Variants in IL16 observed in about 807,000 individuals in gnomAD.
IL16 encodes the protein interleukin 16, also known as pro-interleukin-16.
A neutral mutation model predicts 110.1 loss-of-function variants in IL16; 67 were observed. That is an observed-to-expected ratio of 0.61 (90% CI 0.50 to 0.75). The LOEUF (loss-of-function observed/expected upper bound fraction) is 0.75, where lower values mean the gene tolerates loss of function less well. Among genes scored for constraint, IL16 ranks in the 30% least tolerant of loss-of-function variants. IL16 has a pLI of 0.00. For missense variants in IL16, 1,545 were observed against 1,655.0 expected, an observed-to-expected ratio of 0.93 and a Z score of 1.15; for synonymous variants, 689 against 662.9, an observed-to-expected ratio of 1.04 and a Z score of -0.61.
Position 81,290,391 on chromosome 15 carries a change from GGCTGGGA to G in IL16, c.1333-59_1333-53del, listed in dbSNP as rs145830796. The G allele has an allele frequency of 4.2e-4, 510 of 1,217,144 alleles. 1 individual carries two copies. In the East Asian group the frequency reaches 0.01, roughly 25 times the overall value. The allele number at this position is 1,217,144 out of a possible 1,614,324, so 75.4% of individuals were successfully genotyped here. A position where few individuals can be genotyped will look rare whatever the true frequency, so the allele number is the denominator to read the frequency against. On this transcript the variant is annotated intron_variant, in intron 10 of 18. Transcript: ENST00000683961. ...TGGCCCAGCTTTGGAGCTGGTACGG[GGCTGGGA>G]GCCTGATGCAGGAGCTTCTACTGTT...
chr15:81,225,473 T>C lies in IL16; in HGVS notation c.74T>C (p.Leu25Pro). ...CGGTCCATCTCCAGGTCCCTGATGCTCTGTAATGCTAAGACCAGTGATGAT... is the reference window on the plus strand; with the variant it reads ...CGGTCCATCTCCAGGTCCCTGATGCCCTGTAATGCTAAGACCAGTGATGAT... ...KFRSISRSLM[L>P]CNAKTSDDGS... is the part of the protein sequence containing the mutation. Residue 25 changes from leucine (L) to proline (P), a missense_variant, in exon 2 of 19, where the codon CTC becomes CCC. Leu to Pro is a moderately conservative substitution (Grantham distance 98, BLOSUM62 -3). This residue lies in a region of IL16 where 1,185 missense variants were observed against 1,238.8 expected (regional missense o/e 0.96). Coordinates refer to ENST00000683961, the MANE Select transcript of IL16 (RefSeq NM_172217.5). 1.2e-6 allele frequency: 2 copies of C among 1,614,122 alleles called. No homozygotes were observed. The highest frequency in any genetic ancestry group is 1.7e-6 in the Non-Finnish European group (2 of 1,179,994).
intron 1 of IL16, among the ~76,000 whole-genome samples, chr15:81,205,115 G>A (rs528409144): frequency 5.9e-5 from 9 of 152,162 alleles, no homozygotes; most frequent in Non-Finnish European, 1.3e-4. Context: ...AAGACCAGTT[G>A]GCCAACCTGG....
At chr15:81,275,233 G>C (rs543847945) in intron 6 of IL16, among the ~76,000 whole-genome samples, 41 of 151,478 alleles carry the variant, frequency 2.7e-4, no homozygotes, top group African/African-American at 9.9e-4. Context: ...CCACGAGATG[G>C]CGCTGTCCAG....
intron 12 of IL16, among the ~76,000 whole-genome samples, chr15:81,296,574 C>T (rs576099521): frequency 1.3e-5 from 2 of 152,266 alleles, no homozygotes; most frequent in South Asian, 2.1e-4. Flanking sequence ...TATACCCTCC[C>T]GGGGTGGGTA....
intron 10 of IL16, among the ~76,000 whole-genome samples, chr15:81,287,978 G>A (rs536603973): frequency 1.3e-5 from 2 of 152,342 alleles, no homozygotes; most frequent in African/African-American, 4.8e-5. Flanking sequence ...GGAGTAGGGC[G>A]TCAGGTTGTG....
intron 1 of IL16, among the ~76,000 whole-genome samples, chr15:81,213,931 G>A (rs532382221): frequency 6.6e-6 from 1 of 152,162 alleles, no homozygotes; most frequent in African/African-American, 2.4e-5. Flanking sequence ...TTTTGATCCT[G>A]TCCTCATGTC....
Position 81,313,405 on chromosome 15 carries a change from T to G in IL16, c.*4607T>G. On this transcript the variant is annotated 3_prime_UTR_variant, in exon 19 of 19. Coordinates refer to ENST00000683961, the MANE Select transcript of IL16 (RefSeq NM_172217.5). Reference sequence around the variant, plus strand: ...ACCAGGTTGGTCTTGGTGGGTTCCCTGTGAAGGCAACAGCAGAGCTGTGTT... The same window carrying G: ...ACCAGGTTGGTCTTGGTGGGTTCCCGGTGAAGGCAACAGCAGAGCTGTGTT... 1 of 1,535,780 alleles carries G rather than the reference T, an allele frequency of 6.5e-7. No homozygotes were observed. Among genetic ancestry groups the G allele is most frequent in the South Asian group, 1.3e-5 (1 of 79,090 alleles).
chr15:81,267,506 A>G (rs1898436282), intron 4 of IL16, among the ~76,000 whole-genome samples: 1 of 136,890 alleles, frequency 7.3e-6, no homozygotes, highest in Non-Finnish European at 1.5e-5. Flanking sequence ...ACACACACAC[A>G]GAGAGAGCGA....
At chr15:81,307,027 C>T (rs564592144) in intron 18 of IL16, among the ~76,000 whole-genome samples, 2 of 152,300 alleles carry the variant, frequency 1.3e-5, no homozygotes, top group African/African-American at 4.8e-5. Flanking sequence ...GTCCTGGACA[C>T]GTCAGCTCCT....
intron 3 of IL16, among the ~76,000 whole-genome samples, chr15:81,263,032 ATTTG>A (rs1567024091): frequency 1.3e-5 from 2 of 152,132 alleles, no homozygotes; most frequent in Non-Finnish European, 2.9e-5. Context: ...ATTCCTTGCC[ATTTG>A]TTTGTTCTTG....
intron 2 of IL16, among the ~76,000 whole-genome samples, chr15:81,258,014 A>G (rs1898010769): frequency 6.6e-6 from 1 of 152,162 alleles, no homozygotes; most frequent in Admixed American, 6.5e-5. Flanking sequence ...ACACAGATGT[A>G]CACACACACA....
At chr15:81,294,051 T>G (rs1899870747) in intron 12 of IL16, among the ~76,000 whole-genome samples, 1 of 152,126 alleles carries the variant, frequency 6.6e-6, no homozygotes, top group Non-Finnish European at 1.5e-5. Context: ...GGCCCTTCCC[T>G]TAAGCACACC....
intron 6 of IL16, among the ~76,000 whole-genome samples, chr15:81,275,344 A>G (rs1376857580): frequency 6.2e-5 from 5 of 80,560 alleles, no homozygotes; most frequent in African/African-American, 1.9e-4. Flanking sequence ...GTTACCAAGC[A>G]GTTGACGGGG....
intron 12 of IL16, among the ~76,000 whole-genome samples, chr15:81,295,131 A>T (rs1203340881): frequency 6.6e-6 from 1 of 152,124 alleles, no homozygotes; most frequent in Admixed American, 6.5e-5. Context: ...AAACTTGCTT[A>T]AAAAAACACA....
intron 17 of IL16, 49 bp downstream of exon 17, chr15:81,306,215 G>C (rs1251834719): frequency 6.3e-7 from 1 of 1,587,566 alleles, no homozygotes; most frequent in East Asian, 2.2e-5. Context: ...ATCCTCTTTG[G>C]CCATTTGGGG....
At chr15:81,195,928 C>G (rs1253841499), upstream of IL16, among the ~76,000 whole-genome samples, 1 of 152,034 alleles carries the variant, frequency 6.6e-6, no homozygotes, top group Non-Finnish European at 1.5e-5. Context: ...ACAGGACACA[C>G]ACAAAAGTGC....
chr15:81,302,530 G>A (rs1900338857), intron 15 of IL16, among the ~76,000 whole-genome samples: 1 of 152,128 alleles, frequency 6.6e-6, no homozygotes, highest in South Asian at 2.1e-4. Context: ...GTGCAGTGAG[G>A]TACATTCATC....
Position 81,292,699 on chromosome 15 carries a change from G to A in IL16, c.1564G>A (p.Gly522Arg). The A allele has an allele frequency of 1.2e-6, 2 of 1,614,140 alleles. No individual in the cohort carries two copies. Among genetic ancestry groups the A allele is most frequent in the African/African-American group, 1.3e-5 (1 of 75,056 alleles). ...CAGCAGCTACATGTCTGGGTCCCCA[G>A]GGGGAAGTCCTGGGAGTGGCAGTGC... ...SDSSYMSGSP[G>R]GSPGSGSAEK... Residue 522 changes from glycine to arginine, a missense_variant, in exon 12 of 19, where the codon GGG (glycine) becomes AGG (arginine). This residue lies in a region of IL16 where 1,185 missense variants were observed against 1,238.8 expected (regional missense o/e 0.96). Coordinates refer to ENST00000683961, the MANE Select transcript of IL16 (RefSeq NM_172217.5).
At chr15:81,307,062 T>C (rs961547668) in intron 18 of IL16, among the ~76,000 whole-genome samples, 2 of 152,184 alleles carry the variant, frequency 1.3e-5, no homozygotes, top group East Asian at 1.9e-4. Context: ...TGTTGATAGA[T>C]ATTTTGTTCA....
Sources: allele counts gnomAD v4.1 joint callset (sites outside exome capture counted in the v4.1 genomes callset), GRCh38; gene constraint gnomAD v4.1.1; regional missense constraint gnomAD v4.1.1; transcripts MANE v1.5; gene names NCBI Gene and HGNC (gene_info 2026-07-23, HGNC 2026-07-21).